Variants in THUMPD1 observed in about 807,000 individuals in gnomAD.
THUMPD1 encodes the protein THUMP domain-containing protein 1.
THUMPD1 carries 31 observed loss-of-function variants against 31.6 expected under a neutral mutation model. The ratio of observed to expected loss-of-function variants is 0.98; its 90% CI spans 0.74 to 1.32. The LOEUF (loss-of-function observed/expected upper bound fraction) is 1.32. Ranked by LOEUF, THUMPD1 falls within the 40% of genes most tolerant of loss-of-function variation. THUMPD1 has a pLI of 0.00. For synonymous variants in THUMPD1, 166 were observed against 158.2 expected (o/e 1.05, Z -0.37); for missense variants, 446 against 427.8 (o/e 1.04, Z -0.38).
In THUMPD1 at chr16:20,736,195, CAG is replaced by C. The variant is rs924809422; in HGVS notation, c.*683_*684del. On this transcript the variant is annotated 3_prime_UTR_variant, in exon 4 of 4. Transcript: ENST00000396083. ...TGAGAAGTAGCTTTCTTTATTAAGA[CAG>C]AATTTCTTTGTGTCCCTTGTTGCAC... 9.9e-5 allele frequency: 15 copies of C among 152,024 alleles called. No homozygotes were observed. Among genetic ancestry groups the C allele is most frequent in the African/African-American group, 3.6e-4 (15 of 41,394 alleles). 9.4% of individuals were successfully genotyped at this position (152,024 alleles called of 1,614,324 possible).
intron 2 of THUMPD1, 107 bp downstream of exon 2, chr16:20,738,790 G>T: frequency 7.7e-7 from 1 of 1,298,980 alleles, no homozygotes; most frequent in South Asian, 1.4e-5. Flanking sequence ...GCCATCAAAT[G>T]ATTAACTGAG....
rs36117629 is a variant in THUMPD1 at position 20,735,376 on chromosome 16, GT to G, written c.*1503del. Reference sequence around the variant, plus strand: ...GTCTGTCCAGGTTTTTGTTTTGGGTGTTTTTTTTTTTTTTTAACATTTTTGC... The same window carrying G: ...GTCTGTCCAGGTTTTTGTTTTGGGTGTTTTTTTTTTTTTTAACATTTTTGC... On this transcript the variant is annotated 3_prime_UTR_variant, in exon 4 of 4. Coordinates refer to ENST00000396083, the MANE Select transcript of THUMPD1 (RefSeq NM_017736.5). 77,169 of 143,978 alleles carry G rather than the reference GT, an allele frequency of 0.54. 21,231 individuals carry two copies. The highest frequency in any genetic ancestry group is 0.63 in the Non-Finnish European group (41,970 of 66,158). The allele number at this position is 143,978 out of a possible 1,614,324, so 8.9% of individuals were successfully genotyped here. A position where few individuals can be genotyped will look rare whatever the true frequency, so the allele number is the denominator to read the frequency against.
chr16:20,739,693 C>T (rs148908826), intron 1 of THUMPD1, among the ~76,000 whole-genome samples: 11 of 151,866 alleles, frequency 7.2e-5, no homozygotes, highest in Non-Finnish European at 1.0e-4. Context: ...TGGTGGCAGA[C>T]GCCTGTAATC....
At chr16:20,741,422 A>C in intron 1 of THUMPD1, 87 bp downstream of exon 1, 1 of 1,430,492 alleles carries the variant, frequency 7.0e-7, no homozygotes, top group Non-Finnish European at 9.2e-7. Flanking sequence ...CGAGGCGCGC[A>C]TGCCCATACC....
At position 20,737,731 on chromosome 16, in the gene THUMPD1, T is replaced by C; in HGVS notation, c.632A>G (p.Glu211Gly). The change falls in exon 3 of 4, where the codon GAA (glutamate) becomes GGA (glycine). Residue 211 changes from glutamate to glycine, a missense_variant. Transcript: ENST00000396083. ...ACCTGCCAATTCTCTGATAACTTCT[T>C]CTCTATTCACATGACTGTTATTTCG... ...KSRNNSHVNR[E>G]EVIRELAGIV... 1.2e-6 allele frequency: 2 copies of C among 1,612,310 alleles called. No individual in the cohort carries two copies. The highest frequency in any genetic ancestry group is 1.7e-6 in the Non-Finnish European group (2 of 1,179,218).
rs1195252391 is a variant in THUMPD1, at chr16:20,735,664, T to G, written c.*1216A>C. On this transcript the variant is annotated 3_prime_UTR_variant, in exon 4 of 4. Coordinates refer to ENST00000396083, the MANE Select transcript of THUMPD1 (RefSeq NM_017736.5). ...TATATTGGCCTTTGTTCTGGCAGGCTCCTAGCAATAGAAAAAGTTTTCTTT... is the reference window on the plus strand; with the variant it reads ...TATATTGGCCTTTGTTCTGGCAGGCGCCTAGCAATAGAAAAAGTTTTCTTT... 1 of 152,148 alleles carries G rather than the reference T, an allele frequency of 6.6e-6. No homozygotes were observed. The highest frequency in any genetic ancestry group is 1.5e-5 in the Non-Finnish European group (1 of 68,024). 9.4% of individuals were successfully genotyped at this position (152,148 alleles called of 1,614,324 possible).
chr16:20,741,481 G>GGGGGGGGGGGGGGCCCCCCCCCCCC, intron 1 of THUMPD1, 28 bp downstream of exon 1: 2 of 1,308,414 alleles, frequency 1.5e-6, no homozygotes, highest in Non-Finnish European at 2.0e-6. Flanking sequence ...CTGGCAGCCG[G>GGGGGGGGGGGGGGCCCCCCCCCCCC]CCCGCCCGCC....
chr16:20,738,573 AC>A lies in THUMPD1; in HGVS notation c.406+323del, dbSNP rs1377582245. 3.9e-5 allele frequency among the ~76,000 whole-genome samples: 6 copies of A among 152,324 alleles called. No homozygotes were observed. In the East Asian group the frequency reaches 5.8e-4, roughly 15 times the overall value. On this transcript the variant is annotated intron_variant, in intron 2 of 3. Transcript: ENST00000396083. The stretch of plus-strand genomic sequence containing the variant: ...CAAACTTCTTTTGAGAAATTCAAAT[AC>A]CTGGCCCTGCATTCCCAAAGAGCAA...
chr16:20,740,262 G>A (rs577322006), intron 1 of THUMPD1, among the ~76,000 whole-genome samples: 1 of 152,324 alleles, frequency 6.6e-6, no homozygotes, highest in South Asian at 2.1e-4. Context: ...CGGGCATGGT[G>A]GCACATGCCT....
At chr16:20,741,410 C>T (rs1325034097) in intron 1 of THUMPD1, 99 bp downstream of exon 1, 1 of 1,407,346 alleles carries the variant, frequency 7.1e-7, no homozygotes, top group Admixed American at 2.9e-5. Flanking sequence ...ACGCCGACGA[C>T]CCGAGGCGCG....
Position 20,741,750 on chromosome 16 carries a change from A to G in THUMPD1, c.-11T>C. 1.9e-6 allele frequency: 3 copies of G among 1,560,450 alleles called. No homozygotes were observed. The highest frequency in any genetic ancestry group is 2.4e-5 in the East Asian group (1 of 42,094). On this transcript the variant is annotated 5_prime_UTR_variant, in exon 1 of 4. Coordinates refer to ENST00000396083, the MANE Select transcript of THUMPD1 (RefSeq NM_017736.5). The stretch of plus-strand genomic sequence containing the variant: ...GGCAGGGGCCGCCATGGTGTGCGCA[A>G]ACTGAGAGGAAAGAGAAACGTTTCT...
At chr16:20,737,421 T>G in intron 3 of THUMPD1, 135 bp from the exon 4 acceptor site, 1 of 919,612 alleles carries the variant, frequency 1.1e-6, no homozygotes, top group Non-Finnish European at 1.6e-6. Flanking sequence ...CTTCAAATAA[T>G]CTGAACCCTT....
chr16:20,736,686 C>T lies in THUMPD1; in HGVS notation c.*194G>A, dbSNP rs1238916353. On this transcript the variant is annotated 3_prime_UTR_variant, in exon 4 of 4. Transcript: ENST00000396083. ...ACAGCAGCACATGGGTCTGCCTCTACGTAATACCATAAAGGCTGAAAGATC... is the reference window on the plus strand; with the variant it reads ...ACAGCAGCACATGGGTCTGCCTCTATGTAATACCATAAAGGCTGAAAGATC... The T allele has an allele frequency of 3.8e-5, 23 of 607,718 alleles. No individual in the cohort carries two copies. The East Asian group carries it at 4.2e-4, about 11-fold the overall frequency. The allele number at this position is 607,718 out of a possible 1,614,324, so 37.6% of individuals were successfully genotyped here.
At chr16:20,739,092 A>G in intron 1 of THUMPD1, 21 bp from the exon 2 acceptor site, 2 of 1,613,192 alleles carry the variant, frequency 1.2e-6, no homozygotes, top group Non-Finnish European at 1.7e-6. Context: ...AAAACTAATG[A>G]GCAGAAATGA....
At chr16:20,739,363 A>T (rs1169455897) in intron 1 of THUMPD1, among the ~76,000 whole-genome samples, 1 of 151,706 alleles carries the variant, frequency 6.6e-6, no homozygotes, top group Admixed American at 6.6e-5. Flanking sequence ...TTTAGTAGAG[A>T]TGGGGTTTCG....
rs1216556837 is a variant in THUMPD1 at position 20,738,841 on chromosome 16, A to G, written c.406+56T>C. The G allele has an allele frequency of 3.2e-6, 5 of 1,583,208 alleles. No homozygotes were observed. In the East Asian group the frequency reaches 1.1e-4, roughly 35 times the overall value. On this transcript the variant is annotated intron_variant, in intron 2 of 3. Coordinates refer to ENST00000396083, the MANE Select transcript of THUMPD1 (RefSeq NM_017736.5). Reference sequence around the variant, plus strand: ...CATTTTGTAAGCAGTATTCCCTGAGACAGGAAGATACCCAGATGTTATGAG... The same window carrying G: ...CATTTTGTAAGCAGTATTCCCTGAGGCAGGAAGATACCCAGATGTTATGAG...
In THUMPD1 at chr16:20,741,495, C is replaced by G. The variant is rs1376158946; in HGVS notation, c.231+14G>C. 1 of 1,243,706 alleles carries G rather than the reference C, an allele frequency of 8.0e-7. No individual in the cohort carries two copies. Among genetic ancestry groups the G allele is most frequent in the African/African-American group, 1.6e-5 (1 of 64,022 alleles). 77.0% of individuals were successfully genotyped at this position (1,243,706 alleles called of 1,614,324 possible). On this transcript the variant is annotated intron_variant, in intron 1 of 3. Coordinates refer to ENST00000396083, the MANE Select transcript of THUMPD1 (RefSeq NM_017736.5). The stretch of plus-strand genomic sequence containing the variant: ...CCTGGCAGCCGGCCCGCCCGCCCAC[C>G]CCGGGACCGGTACCTTTTCTGGCCC...
intron 3 of THUMPD1, 121 bp from the exon 4 acceptor site, chr16:20,737,407 T>A: frequency 9.9e-7 from 1 of 1,015,184 alleles, no homozygotes; most frequent in Non-Finnish European, 1.4e-6. Context: ...CTCTTCTATG[T>A]GGACTTCAAA....
chr16:20,738,077 A>G, intron 2 of THUMPD1, 121 bp from the exon 3 acceptor site: 2 of 929,244 alleles, frequency 2.2e-6, no homozygotes, highest in Non-Finnish European at 1.6e-6. Context: ...ATGAATTTTA[A>G]ATGAATCTAC....
Sources: gnomAD v4.1 joint callset for allele counts (sites outside exome capture counted in the v4.1 genomes callset) on GRCh38, gnomAD v4.1.1 for gene constraint, MANE v1.5 for transcripts, NCBI Gene and HGNC (gene_info 2026-07-23, HGNC 2026-07-21) for gene names.